The following CACNA1A variants were observed in gnomAD, a reference collection of about 807,000 sequenced individuals.
CACNA1A encodes voltage-dependent P/Q-type calcium channel subunit alpha-1A.
CACNA1A carries 57 observed loss-of-function variants against 262.4 expected under a neutral mutation model. That is an observed-to-expected ratio of 0.22 (90% CI 0.18 to 0.27). CACNA1A has a LOEUF of 0.27. Ranked by LOEUF, CACNA1A falls within the 10% of genes least tolerant of loss-of-function variation. The pLI is 1.00. For synonymous variants in CACNA1A, 1,431 were observed against 1,419.3 expected (o/e 1.01, Z -0.18); for missense variants, 2,526 against 3,562.8 (o/e 0.71, Z 7.41).
rs2054690020 is a variant in CACNA1A, at chr19:13,208,921, C to T, written c.6615G>A (p.Arg2205=). The T allele has an allele frequency of 1.3e-6, 2 of 1,537,314 alleles. No individual in the cohort carries two copies. Among genetic ancestry groups the T allele is most frequent in the Non-Finnish European group, 1.7e-6 (2 of 1,146,878 alleles). ...GGTGGTGGTGGTGCTGTCGATGCTT[C>T]CGATCCTTGGGCCGGCCCCGCTCCT... is the stretch of plus-strand genomic sequence containing the variant. ...RDQERGRPKD[R]KHRQHHHHHH... is the part of the protein sequence containing the mutation. Residue 2205 remains arginine (R), a synonymous_variant, in exon 46 of 47, where the codon CGG becomes CGA. Coordinates refer to ENST00000360228, the MANE Select transcript of CACNA1A (RefSeq NM_001127222.2).
At position 13,481,591 on chromosome 19, in the gene CACNA1A, G is replaced by A. The variant is rs149239479; in HGVS notation, c.293+24341C>T. ...AGCCGCTGGGCTGACCCTGGGGGCT[G>A]GAGATGAGGATGCACGGCCAGTACA... On this transcript the variant is annotated intron_variant, in intron 1 of 46. Transcript: ENST00000360228. Among the ~76,000 whole-genome samples the A allele has an allele frequency of 1.5e-4, 23 of 152,304 alleles. No homozygotes were observed. The East Asian group carries it at 4.4e-3, about 29-fold the overall frequency.
chr19:13,328,893 T>C (rs937204050), intron 10 of CACNA1A, among the ~76,000 whole-genome samples: 4 of 151,388 alleles, frequency 2.6e-5, no homozygotes, highest in African/African-American at 9.7e-5. Flanking sequence ...ACTTCCCTCC[T>C]TCCTTCACTT....
chr19:13,255,405 T>A, intron 28 of CACNA1A, 146 bp from the exon 29 acceptor site: 1 of 694,340 alleles, frequency 1.4e-6, no homozygotes, highest in Non-Finnish European at 2.3e-6. Flanking sequence ...ATTCCTGGGC[T>A]CTCTCTTCCT....
At chr19:13,470,409 C>T (rs376682990) in intron 1 of CACNA1A, among the ~76,000 whole-genome samples, 9 of 152,162 alleles carry the variant, frequency 5.9e-5, no homozygotes, top group African/African-American at 1.9e-4. Context: ...TGACCATGCC[C>T]TTCTTAATGT....
intron 3 of CACNA1A, chr19:13,451,595 C>T (rs930596968): frequency 2.6e-5 from 4 of 152,320 alleles, no homozygotes; most frequent in Non-Finnish European, 5.9e-5. Context: ...TTCCCAGCTT[C>T]CCTTGCAGTG....
At chr19:13,302,696 C>T (rs117356673) in intron 17 of CACNA1A, among the ~76,000 whole-genome samples, 2,187 of 152,326 alleles carry the variant, frequency 0.014, 20 homozygotes, top group South Asian at 0.045. Flanking sequence ...GATCAGCCCT[C>T]GGCTCAGCCA....
At chr19:13,255,342 G>C in intron 28 of CACNA1A, 83 bp from the exon 29 acceptor site, 1 of 1,335,588 alleles carries the variant, frequency 7.5e-7, no homozygotes, top group South Asian at 1.5e-5. Flanking sequence ...CTAACTCGTC[G>C]CGGTTCTCAA....
chr19:13,221,082 A>G (rs1425515404), intron 38 of CACNA1A, among the ~76,000 whole-genome samples: 3 of 149,652 alleles, frequency 2.0e-5, no homozygotes, highest in East Asian at 2.0e-4. Flanking sequence ...TGGAAGGCAC[A>G]TATGTCTCGA....
At chr19:13,461,477 A>G (rs887773218) in intron 1 of CACNA1A, among the ~76,000 whole-genome samples, 1 of 152,236 alleles carries the variant, frequency 6.6e-6, no homozygotes, top group African/African-American at 2.4e-5. Context: ...GAGCATGTTA[A>G]GGACACAATG....
rs1205356168 is a variant in CACNA1A at position 13,207,880 on chromosome 19, CTGCTG to C, written c.6949_6953del (p.Gln2317AlafsTer184). 6.9e-7 allele frequency: 1 copy of C among 1,447,918 alleles called. No individual in the cohort carries two copies. The highest frequency in any genetic ancestry group is 2.4e-5 in the Admixed American group (1 of 41,382). 89.7% of individuals were successfully genotyped at this position (1,447,918 alleles called of 1,614,324 possible). On this transcript the variant is annotated frameshift_variant, in exon 47 of 47. Transcript: ENST00000360228. LOFTEE classifies it low-confidence loss of function (END_TRUNC). This position sits in a 1 kb window ranked among gnomAD's most constrained non-coding sequence, Gnocchi z 5.7. ...CCGCCTGCTGCTGCTGCTGCTGCTGCTGCTGCTGCTGCTGCTGCGGGGGCCCCGAG... is the reference window on the plus strand; with the variant it reads ...CCGCCTGCTGCTGCTGCTGCTGCTGCCTGCTGCTGCTGCGGGGGCCCCGAG...
At chr19:13,213,836 GC>G in intron 40 of CACNA1A, 1 of 174,032 alleles carries the variant, frequency 5.7e-6, no homozygotes, top group East Asian at 1.6e-4. Flanking sequence ...GGTGCATGGC[GC>G]CACATGCAGC....
chr19:13,211,715 ATGTG>A (rs973220248), intron 43 of CACNA1A: 18 of 246,198 alleles, frequency 7.3e-5, no homozygotes, highest in African/African-American at 3.1e-4. Flanking sequence ...TATGTTGAGC[ATGTG>A]TGTGTGTGTT....
chr19:13,338,122 G>A (rs1156686849), intron 6 of CACNA1A, among the ~76,000 whole-genome samples: 1 of 152,142 alleles, frequency 6.6e-6, no homozygotes, highest in East Asian at 1.9e-4. Flanking sequence ...GGCTGAGGCA[G>A]GAGAATGGCG....
chr19:13,450,292 A>G (rs1410980571), intron 3 of CACNA1A: 1 of 152,170 alleles, frequency 6.6e-6, no homozygotes, highest in Non-Finnish European at 1.5e-5. Context: ...GATACAGTCC[A>G]GCCTCAGAGC....
At chr19:13,249,809 G>T (rs7250465) in intron 30 of CACNA1A, among the ~76,000 whole-genome samples, 1 of 92,126 alleles carries the variant, frequency 1.1e-5, no homozygotes, top group South Asian at 4.0e-4. Flanking sequence ...TATATAGGAC[G>T]AGGCAAGATC....
Position 13,207,204 on chromosome 19 carries a change from C to T in CACNA1A, c.*109G>A. 3 of 1,223,254 alleles carry T rather than the reference C, an allele frequency of 2.5e-6. No homozygotes were observed. Among genetic ancestry groups the T allele is most frequent in the Non-Finnish European group, 3.2e-6 (3 of 933,426 alleles). The allele number at this position is 1,223,254 out of a possible 1,614,324, so 75.8% of individuals were successfully genotyped here. The stretch of plus-strand genomic sequence containing the variant: ...CAGAGTCTGGGGTCTCCCGGCTGGC[C>T]CTCTCCCGGGCCCTCTGTGCTGGGC... On this transcript the variant is annotated 3_prime_UTR_variant, in exon 47 of 47. Transcript: ENST00000360228. This position sits in a 1 kb window ranked among gnomAD's most constrained non-coding sequence, Gnocchi z 5.7.
intron 1 of CACNA1A, among the ~76,000 whole-genome samples, chr19:13,466,621 G>A (rs530643269): frequency 1.3e-3 from 199 of 151,972 alleles, no homozygotes; most frequent in African/African-American, 4.3e-3. Context: ...GATTACAGGC[G>A]TGAGCCACCA....
In CACNA1A at chr19:13,209,375, G is replaced by C; in HGVS notation, c.6463C>G (p.Arg2155Gly). The change falls in exon 45 of 47, where the codon CGC (arginine) becomes GGC (glycine). Residue 2155 changes from arginine to glycine, a missense_variant. Arg to Gly is a moderately radical substitution (Grantham distance 125, BLOSUM62 -2). Coordinates refer to ENST00000360228, the MANE Select transcript of CACNA1A (RefSeq NM_001127222.2). Reference protein sequence around the residue: ...PEENQRHHQRRRDRSHRASER... With the variant: ...PEENQRHHQRGRDRSHRASER... ...GAGGCGCGGTGGCTGCGGTCGCGGC[G>C]CCGCTGGTGGTGCCGCTGGTTCTCC... The C allele has an allele frequency of 7.2e-7, 1 of 1,395,832 alleles. No homozygotes were observed. The highest frequency in any genetic ancestry group is 9.3e-7 in the Non-Finnish European group (1 of 1,071,054). 86.5% of individuals were successfully genotyped at this position (1,395,832 alleles called of 1,614,324 possible).
intron 1 of CACNA1A, among the ~76,000 whole-genome samples, chr19:13,501,031 G>A (rs1982315746): frequency 6.6e-6 from 1 of 152,096 alleles, no homozygotes; most frequent in Non-Finnish European, 1.5e-5. Flanking sequence ...TGGAGAAGTG[G>A]GGTGCTGACT....
Sources: gnomAD v4.1 joint callset for allele counts (sites outside exome capture counted in the v4.1 genomes callset) on GRCh38, gnomAD v4.1.1 for gene constraint, Gnocchi (gnomAD v3.1) non-coding constraint, MANE v1.5 for transcripts, NCBI Gene and HGNC (gene_info 2026-07-23, HGNC 2026-07-21) for gene names.